The following SMIM14 variants were observed in gnomAD, a reference collection of about 807,000 sequenced individuals.
SMIM14 encodes chromosome 4 open reading frame 34.
SMIM14 carries 5 observed loss-of-function variants against 12.6 expected under a neutral mutation model. That is an observed-to-expected ratio of 0.40 (90% CI 0.21 to 0.83). The LOEUF is 0.83. Among genes scored for constraint, SMIM14 ranks in the 40% least tolerant of loss-of-function variants. The probability of loss-of-function intolerance (pLI) is 0.37; values close to 1 mark genes in which losing one functional copy is unlikely to be tolerated. For synonymous variants in SMIM14, 30 were observed against 40.1 expected (o/e 0.75, Z 0.95); for missense variants, 86 against 119.1 (o/e 0.72, Z 1.29).
chr4:39,546,803 G>A lies in SMIM14; in HGVS notation c.*5323C>T, dbSNP rs1747363363. 6.6e-6 allele frequency: 1 copy of A among 151,586 alleles called. No homozygotes were observed. The highest frequency in any genetic ancestry group is 1.5e-5 in the Non-Finnish European group (1 of 67,722). 9.4% of individuals were successfully genotyped at this position (151,586 alleles called of 1,614,324 possible). A position where few individuals can be genotyped will look rare whatever the true frequency, so the allele number is the denominator to read the frequency against. ...ACACTGAAGTTATTACATAAACACT[G>A]ACGTCAAAATCATGCCAGAGCAGTG... On this transcript the variant is annotated 3_prime_UTR_variant, in exon 5 of 5. Coordinates refer to ENST00000295958, the MANE Select transcript of SMIM14 (RefSeq NM_174921.3).
At chr4:39,578,247 A>G (rs1037615731) in intron 2 of SMIM14, among the ~76,000 whole-genome samples, 6 of 152,164 alleles carry the variant, frequency 3.9e-5, no homozygotes, top group African/African-American at 1.4e-4. Context: ...TCCCAGGCTC[A>G]AGCAATCCTC....
chr4:39,556,856 T>A (rs899356950), intron 3 of SMIM14, among the ~76,000 whole-genome samples: 2 of 152,154 alleles, frequency 1.3e-5, no homozygotes, highest in African/African-American at 4.8e-5. Context: ...GGCACAACCA[T>A]AGCTCACTAC....
intron 1 of SMIM14, among the ~76,000 whole-genome samples, chr4:39,632,266 G>A (rs554625070): frequency 6.6e-6 from 1 of 152,174 alleles, no homozygotes; most frequent in South Asian, 2.1e-4. Context: ...CAAGGCAGGC[G>A]GTCAAGAGAT....
In SMIM14 at chr4:39,547,873, T is replaced by C. The variant is rs1009349379; in HGVS notation, c.*4253A>G. On this transcript the variant is annotated 3_prime_UTR_variant, in exon 5 of 5. Coordinates refer to ENST00000295958, the MANE Select transcript of SMIM14 (RefSeq NM_174921.3). ...GACTTGCTGACCATGGAACAGTGCT[T>C]GGATAGATAACATGAAAAAAATGAA... 3.3e-5 allele frequency: 5 copies of C among 152,190 alleles called. No individual in the cohort carries two copies. The highest frequency in any genetic ancestry group is 1.2e-4 in the African/African-American group (5 of 41,398). The allele number at this position is 152,190 out of a possible 1,614,324, so 9.4% of individuals were successfully genotyped here. A position where few individuals can be genotyped will look rare whatever the true frequency, so the allele number is the denominator to read the frequency against.
chr4:39,630,587 C>T (rs4331787), intron 1 of SMIM14, among the ~76,000 whole-genome samples: 87,517 of 151,904 alleles, frequency 0.58, 25,764 homozygotes, highest in East Asian at 0.79. Context: ...TTGGGCCAGG[C>T]GCGGTGGCTC....
chr4:39,572,305 T>TTTTTTAAAAAAAAAA, intron 3 of SMIM14, 110 bp downstream of exon 3: 1 of 189,706 alleles, frequency 5.3e-6, no homozygotes, highest in Non-Finnish European at 1.0e-5. Flanking sequence ...TTTTTTTTGG[T>TTTTTTAAAAAAAAAA]AACCACTAGA....
intron 2 of SMIM14, among the ~76,000 whole-genome samples, chr4:39,586,844 G>A (rs1288767517): frequency 6.6e-6 from 1 of 152,066 alleles, no homozygotes; most frequent in Non-Finnish European, 1.5e-5. Flanking sequence ...TGACAACTAT[G>A]AAGGCTGGGA....
intron 2 of SMIM14, among the ~76,000 whole-genome samples, chr4:39,579,410 CAA>C (rs11300565): frequency 1.4e-3 from 140 of 102,184 alleles, no homozygotes; most frequent in Middle Eastern, 4.6e-3. Flanking sequence ...ACAGTGCCTC[CAA>C]AAAAAAAAAA....
chr4:39,599,933 CAAAAAAAAA>C lies in SMIM14; in HGVS notation c.75+5129_75+5137del, dbSNP rs56285045. The stretch of plus-strand genomic sequence containing the variant: ...TGAGACTCCGTCTCAAAAACAACAA[CAAAAAAAAA>C]AAAAAAAAAGAAAAAGAGGGTAAAA... On this transcript the variant is annotated intron_variant, in intron 2 of 4. Transcript: ENST00000295958. Among the ~76,000 whole-genome samples the C allele has an allele frequency of 2.6e-5, 3 of 115,092 alleles. No homozygotes were observed. In the South Asian group the frequency reaches 7.3e-4, roughly 28 times the overall value. The allele number at this position is 115,092 out of a possible 152,430, so 75.5% of individuals were successfully genotyped here. A position where few individuals can be genotyped will look rare whatever the true frequency, so the allele number is the denominator to read the frequency against.
At chr4:39,608,738 T>C (rs1296358417) in intron 1 of SMIM14, among the ~76,000 whole-genome samples, 3 of 152,190 alleles carry the variant, frequency 2.0e-5, no homozygotes, top group Non-Finnish European at 4.4e-5. Context: ...ACACTGTGAA[T>C]GTAATTAATG....
At chr4:39,632,942 C>T (rs541064062) in intron 1 of SMIM14, among the ~76,000 whole-genome samples, 2 of 151,542 alleles carry the variant, frequency 1.3e-5, no homozygotes, top group Non-Finnish European at 2.9e-5. Flanking sequence ...TAAGCATATG[C>T]AAGTATGTAT....
chr4:39,573,078 T>TTTATTA lies in SMIM14; in HGVS notation c.76-621_76-616dup, dbSNP rs200155307. Among the ~76,000 whole-genome samples the TTTATTA allele has an allele frequency of 1.2e-3, 187 of 150,084 alleles. 1 individual carries two copies. Among genetic ancestry groups the TTTATTA allele is most frequent in the Non-Finnish European group, 2.0e-3 (133 of 67,630 alleles). On this transcript the variant is annotated intron_variant, in intron 2 of 4. Coordinates refer to ENST00000295958, the MANE Select transcript of SMIM14 (RefSeq NM_174921.3). ...TCTAGTGACAAACCATGTTTTGGTT[T>TTTATTA]TTATTATTATTATTATTATTATTTT...
In SMIM14 at chr4:39,635,194, C is replaced by T. The variant is rs1189739241; in HGVS notation, c.-36+3545G>A. ...AAATGCAAAGGCCCTACAGCAAGAA[C>T]CAGCTTGGCAAGTTCCAGGGACAAA... On this transcript the variant is annotated intron_variant, in intron 1 of 4. Coordinates refer to ENST00000295958, the MANE Select transcript of SMIM14 (RefSeq NM_174921.3). 2.0e-5 allele frequency among the ~76,000 whole-genome samples: 3 copies of T among 152,216 alleles called. No individual in the cohort carries two copies. In the East Asian group the frequency reaches 5.8e-4, roughly 29 times the overall value.
chr4:39,636,686 A>T (rs1716102651), intron 1 of SMIM14, among the ~76,000 whole-genome samples: 1 of 129,874 alleles, frequency 7.7e-6, no homozygotes. Flanking sequence ...ATTAAATTTT[A>T]AAATTAAAAA....
At chr4:39,567,701 C>A (rs1211470567) in intron 3 of SMIM14, among the ~76,000 whole-genome samples, 3 of 151,866 alleles carry the variant, frequency 2.0e-5, no homozygotes, top group Non-Finnish European at 4.4e-5. Context: ...CATGCCATTG[C>A]ACTCCAGCTT....
At chr4:39,571,254 C>A (rs1437059576) in intron 3 of SMIM14, among the ~76,000 whole-genome samples, 1 of 152,056 alleles carries the variant, frequency 6.6e-6, no homozygotes, top group Non-Finnish European at 1.5e-5. Flanking sequence ...AAAGTTTCCA[C>A]ACATGGAAAA....
At position 39,586,171 on chromosome 4, in the gene SMIM14, CT is replaced by C. The variant is rs1369360792; in HGVS notation, c.76-13709del. Among the ~76,000 whole-genome samples the C allele has an allele frequency of 3.3e-5, 5 of 152,138 alleles. No individual in the cohort carries two copies. The East Asian group carries it at 9.7e-4, about 29-fold the overall frequency. On this transcript the variant is annotated intron_variant, in intron 2 of 4. Coordinates refer to ENST00000295958, the MANE Select transcript of SMIM14 (RefSeq NM_174921.3). ...TAGTGTTCTCTTGTGAACTTTCTTA[CT>C]TTTTGTTATGTGGACAGGCTGAGAA...
In SMIM14 at chr4:39,548,665, C is replaced by T. The variant is rs1042122773; in HGVS notation, c.*3461G>A. On this transcript the variant is annotated 3_prime_UTR_variant, in exon 5 of 5. Transcript: ENST00000295958. ...TTTAAGAGTGTGCTCAATAAAAAGG[C>T]CATAGGTTTAAGAATTAAATGGAAT... The T allele has an allele frequency of 1.3e-5, 2 of 151,954 alleles. No homozygotes were observed. Among genetic ancestry groups the T allele is most frequent in the Admixed American group, 6.6e-5 (1 of 15,252 alleles). The allele number at this position is 151,954 out of a possible 1,614,324, so 9.4% of individuals were successfully genotyped here. A position where few individuals can be genotyped will look rare whatever the true frequency, so the allele number is the denominator to read the frequency against.
intron 1 of SMIM14, among the ~76,000 whole-genome samples, chr4:39,637,834 A>G (rs1716157355): frequency 6.6e-6 from 1 of 152,210 alleles, no homozygotes; most frequent in African/African-American, 2.4e-5. Context: ...TCCAAGTTAT[A>G]ATATGTACAG....
Sources: gnomAD v4.1 joint callset for allele counts (sites outside exome capture counted in the v4.1 genomes callset) on GRCh38, gnomAD v4.1.1 for gene constraint, MANE v1.5 for transcripts, NCBI Gene and HGNC (gene_info 2026-07-23, HGNC 2026-07-21) for gene names.